Variants in NEK11 observed in about 807,000 individuals in gnomAD.
NEK11 encodes serine/threonine-protein kinase Nek11.
NEK11 carries 72 observed loss-of-function variants against 80.7 expected under a neutral mutation model. The ratio of observed to expected loss-of-function variants is 0.89; its 90% CI spans 0.74 to 1.08. NEK11 has a LOEUF of 1.08. Ranked by LOEUF, NEK11 falls within the 50% of genes least tolerant of loss-of-function variation. The pLI is 0.00. For missense variants in NEK11, 764 were observed against 763.6 expected (o/e 1.00, Z -0.01); for synonymous variants, 251 against 260.7 (o/e 0.96, Z 0.36).
chr3:131,233,033 GAA>G (rs2095362603), intron 15 of NEK11, among the ~76,000 whole-genome samples: 1 of 145,460 alleles, frequency 6.9e-6, no homozygotes, highest in Non-Finnish European at 1.5e-5. Flanking sequence ...AGGAAGGAAG[GAA>G]GGTTGGATGA....
chr3:131,269,229 T>A (rs1220312883), intron 16 of NEK11, among the ~76,000 whole-genome samples: 6 of 152,196 alleles, frequency 3.9e-5, no homozygotes, highest in Non-Finnish European at 8.8e-5. Flanking sequence ...TCCGCTGAGC[T>A]AGACCACTTG....
At chr3:131,046,831 G>T (rs143751106) in intron 3 of NEK11, among the ~76,000 whole-genome samples, 2 of 152,242 alleles carry the variant, frequency 1.3e-5, no homozygotes, top group Non-Finnish European at 2.9e-5. Context: ...GTATTTGGAT[G>T]CCTAGATCTC....
intron 17 of NEK11, chr3:131,325,034 C>A (rs1478439801): frequency 6.6e-6 from 1 of 152,034 alleles, no homozygotes; most frequent in African/African-American, 2.4e-5. Flanking sequence ...TAATGTAGAA[C>A]CTGTGTCTGA....
intron 5 of NEK11, among the ~76,000 whole-genome samples, chr3:131,115,972 TTC>T (rs751955159): frequency 7.0e-6 from 1 of 143,168 alleles, no homozygotes; most frequent in South Asian, 2.2e-4. Flanking sequence ...CTTTCTTTCT[TTC>T]TTTCTTTCTT....
At chr3:131,260,747 G>T (rs907723376) in intron 16 of NEK11, among the ~76,000 whole-genome samples, 2 of 152,124 alleles carry the variant, frequency 1.3e-5, no homozygotes, top group Non-Finnish European at 2.9e-5. Flanking sequence ...CAATAATTTG[G>T]CAAAGAGTGG....
intron 7 of NEK11, 137 bp downstream of exon 7, chr3:131,134,093 A>G (rs2085067562): frequency 1.4e-6 from 1 of 719,596 alleles, no homozygotes; most frequent in Non-Finnish European, 2.1e-6. Context: ...GAGTAAAAGA[A>G]GGTCTTTTGC....
At chr3:131,183,589 T>C (rs531051106) in intron 14 of NEK11, among the ~76,000 whole-genome samples, 110 of 152,332 alleles carry the variant, frequency 7.2e-4, no homozygotes, top group African/African-American at 2.6e-3. Flanking sequence ...TCCAGCTCCA[T>C]CTATGTCCCT....
At chr3:131,155,912 A>C (rs546991796) in intron 10 of NEK11, among the ~76,000 whole-genome samples, 1 of 152,198 alleles carries the variant, frequency 6.6e-6, no homozygotes, top group African/African-American at 2.4e-5. Context: ...GTTAAGATAC[A>C]CTATATACCA....
rs368644742 is a variant in NEK11 at position 131,261,315 on chromosome 3, G to T, written c.1622-12163G>T. Reference sequence around the variant, plus strand: ...TGTCAAAACATCCCCATGGGATATTGTCAAGTGTCATAATCCTCATCATTC... The same window carrying T: ...TGTCAAAACATCCCCATGGGATATTTTCAAGTGTCATAATCCTCATCATTC... On this transcript the variant is annotated intron_variant, in intron 16 of 17. Transcript: ENST00000383366. Among the ~76,000 whole-genome samples the T allele has an allele frequency of 5.3e-5, 8 of 152,288 alleles. No homozygotes were observed. In the East Asian group the frequency reaches 1.5e-3, roughly 29 times the overall value.
At chr3:131,073,998 G>A (rs2073904988) in intron 3 of NEK11, among the ~76,000 whole-genome samples, 1 of 152,104 alleles carries the variant, frequency 6.6e-6, no homozygotes, top group African/African-American at 2.4e-5. Flanking sequence ...CTTTGGGCAG[G>A]AGAACTCTGA....
At chr3:131,255,517 C>T (rs774270921) in intron 16 of NEK11, among the ~76,000 whole-genome samples, 21 of 152,246 alleles carry the variant, frequency 1.4e-4, no homozygotes, top group Non-Finnish European at 2.6e-4. Flanking sequence ...TGGCCTTGGC[C>T]CTATACATCT....
intron 3 of NEK11, among the ~76,000 whole-genome samples, chr3:131,031,548 G>A (rs971493934): frequency 3.3e-5 from 5 of 152,132 alleles, no homozygotes; most frequent in Admixed American, 3.3e-4. Context: ...TAATTAAAAG[G>A]ATGTAAAATA....
chr3:131,043,398 G>A (rs1488209859), intron 3 of NEK11, among the ~76,000 whole-genome samples: 2 of 152,096 alleles, frequency 1.3e-5, no homozygotes, highest in East Asian at 1.9e-4. Flanking sequence ...TAGAATAACC[G>A]GTTTAGATAA....
chr3:131,287,702 C>T (rs1398529965), intron 17 of NEK11, among the ~76,000 whole-genome samples: 1 of 152,204 alleles, frequency 6.6e-6, no homozygotes, highest in South Asian at 2.1e-4. Context: ...ATTTGACCTA[C>T]TTGCCACAAG....
chr3:131,235,986 A>G (rs1315964484), intron 15 of NEK11, among the ~76,000 whole-genome samples: 1 of 152,206 alleles, frequency 6.6e-6, no homozygotes, highest in Non-Finnish European at 1.5e-5. Flanking sequence ...AATCATGTTT[A>G]AATCACAGGG....
At chr3:131,246,680 A>C (rs983569498) in intron 16 of NEK11, among the ~76,000 whole-genome samples, 1 of 152,130 alleles carries the variant, frequency 6.6e-6, no homozygotes, top group African/African-American at 2.4e-5. Flanking sequence ...TCCTTTAAAT[A>C]ATTTTCATAC....
At chr3:131,190,066 A>G (rs1189399694) in intron 14 of NEK11, among the ~76,000 whole-genome samples, 2 of 152,190 alleles carry the variant, frequency 1.3e-5, no homozygotes, top group African/African-American at 4.8e-5. Context: ...CGATGTATAG[A>G]TCCATAAATA....
At chr3:131,337,697 C>T (rs1171765748) in intron 17 of NEK11, among the ~76,000 whole-genome samples, 22 of 151,624 alleles carry the variant, frequency 1.5e-4, no homozygotes, top group Admixed American at 1.4e-3. Flanking sequence ...AAGTTAATGT[C>T]TTCATTTATA....
At chr3:131,170,467 C>A (rs2092611633) in intron 13 of NEK11, among the ~76,000 whole-genome samples, 1 of 152,056 alleles carries the variant, frequency 6.6e-6, no homozygotes, top group African/African-American at 2.4e-5. Flanking sequence ...TGAAGAAGGC[C>A]CCCCTCAGCT....
Sources: gnomAD v4.1 joint callset for allele counts (sites outside exome capture counted in the v4.1 genomes callset) on GRCh38, gnomAD v4.1.1 for gene constraint, MANE v1.5 for transcripts, NCBI Gene and HGNC (gene_info 2026-07-23, HGNC 2026-07-21) for gene names.